Variants in TYW1B observed in about 807,000 individuals in gnomAD.
TYW1B encodes tRNA-yW synthesizing protein 1 homolog B, also known as S-adenosyl-L-methionine-dependent tRNA 4-demethylwyosine synthase TYW1B.
In TYW1B, 73 loss-of-function variants were observed where a neutral mutation model predicts 86.9. That is an observed-to-expected ratio of 0.84 (90% CI 0.70 to 1.02). TYW1B has a LOEUF of 1.02. TYW1B is among the 50% of genes least tolerant of loss of function. TYW1B has a pLI of 0.00. For missense variants in TYW1B, 637 were observed against 827.4 expected, an observed-to-expected ratio of 0.77 and a Z score of 2.82; for synonymous variants, 248 against 292.8, an observed-to-expected ratio of 0.85 and a Z score of 1.56.
chr7:72,720,258 A>G (rs2844080), intron 9 of TYW1B, among the ~76,000 whole-genome samples: 36 of 152,192 alleles, frequency 2.4e-4, no homozygotes, highest in African/African-American at 6.0e-4. Context: ...CAAGCATTGG[A>G]GCTAACAGGA....
chr7:72,699,061 C>A (rs571067932), intron 10 of TYW1B, among the ~76,000 whole-genome samples: 1 of 152,102 alleles, frequency 6.6e-6, no homozygotes, highest in Non-Finnish European at 1.5e-5. Context: ...AGTCCCACCA[C>A]GCAGCGCCAT....
At chr7:72,821,175 T>C (rs1554480413) in intron 2 of TYW1B, among the ~76,000 whole-genome samples, 3 of 152,188 alleles carry the variant, frequency 2.0e-5, no homozygotes, top group African/African-American at 7.2e-5. Flanking sequence ...GGTTTTGCCA[T>C]GTTGGCCAGG....
intron 11 of TYW1B, among the ~76,000 whole-genome samples, chr7:72,666,473 A>G (rs1269860668): frequency 6.6e-6 from 1 of 152,094 alleles, no homozygotes; most frequent in Non-Finnish European, 1.5e-5. Flanking sequence ...GCTAAATACT[A>G]TAAATTTGAA....
chr7:72,699,499 C>T (rs1563063448), intron 10 of TYW1B, among the ~76,000 whole-genome samples: 2 of 152,202 alleles, frequency 1.3e-5, no homozygotes, highest in African/African-American at 4.8e-5. Flanking sequence ...TCCCCTGTGC[C>T]TCCCACTTAT....
At position 72,814,975 on chromosome 7, in the gene TYW1B, C is replaced by T. The variant is rs554452657; in HGVS notation, c.237+405G>A. Among the ~76,000 whole-genome samples, 304 of 146,358 alleles carry T rather than the reference C, an allele frequency of 2.1e-3. 1 individual carries two copies. Among genetic ancestry groups the T allele is most frequent in the African/African-American group, 7.3e-3 (286 of 39,220 alleles). ...ATCCCAGCTACTTGGGAGGCTGAGG[C>T]AGGAGAATCACTTGAACCTGGAGAC... On this transcript the variant is annotated intron_variant, in intron 3 of 13. Transcript: ENST00000620995.
chr7:72,648,304 G>A (rs1419938343), intron 11 of TYW1B, among the ~76,000 whole-genome samples: 3 of 151,896 alleles, frequency 2.0e-5, no homozygotes, highest in Non-Finnish European at 4.4e-5. Context: ...GCACTTTGGG[G>A]GACTAAGGTG....
At chr7:72,766,961 A>G (rs1787781635) in intron 7 of TYW1B, among the ~76,000 whole-genome samples, 1 of 152,092 alleles carries the variant, frequency 6.6e-6, no homozygotes, top group Non-Finnish European at 1.5e-5. Context: ...CTACAGGATA[A>G]ATGATCAGTC....
intron 7 of TYW1B, among the ~76,000 whole-genome samples, chr7:72,764,538 C>T (rs1787740830): frequency 6.6e-6 from 1 of 152,196 alleles, no homozygotes; most frequent in Non-Finnish European, 1.5e-5. Flanking sequence ...ACCTCGGCCT[C>T]CCGAAGTGCT....
intron 10 of TYW1B, among the ~76,000 whole-genome samples, chr7:72,703,821 C>T (rs1272736086): frequency 6.7e-6 from 1 of 150,154 alleles, no homozygotes; most frequent in South Asian, 2.1e-4. Context: ...CACCACTGCA[C>T]TCCAGGCTGG....
At chr7:72,695,949 CTTT>C (rs1159991591) in intron 10 of TYW1B, among the ~76,000 whole-genome samples, 23 of 93,690 alleles carry the variant, frequency 2.5e-4, no homozygotes, top group Middle Eastern at 5.2e-3. Flanking sequence ...TTTTTCTTTT[CTTT>C]TTTTTTTTTT....
chr7:72,659,131 C>T (rs1813272077), intron 11 of TYW1B, among the ~76,000 whole-genome samples: 1 of 152,170 alleles, frequency 6.6e-6, no homozygotes, highest in African/African-American at 2.4e-5. Flanking sequence ...AAGGCTGGGG[C>T]TAAATGTGAC....
chr7:72,748,820 T>C (rs1317100657), intron 7 of TYW1B, among the ~76,000 whole-genome samples: 1 of 152,070 alleles, frequency 6.6e-6, no homozygotes, highest in Non-Finnish European at 1.5e-5. Flanking sequence ...TATACTTGGC[T>C]GAATTCTATT....
chr7:72,827,062 GAAAAT>G, intron 1 of TYW1B, 77 bp from the exon 2 acceptor site: 2 of 1,513,494 alleles, frequency 1.3e-6, no homozygotes, highest in Non-Finnish European at 1.8e-6. Flanking sequence ...ATTTTAAGAA[GAAAAT>G]AAAACCAACC....
At chr7:72,777,609 G>A (rs1554470828) in intron 6 of TYW1B, 76 bp from the exon 7 acceptor site, 1 of 1,549,722 alleles carries the variant, frequency 6.5e-7, no homozygotes. Flanking sequence ...TGAACACCTA[G>A]CATCAATAAA....
chr7:72,706,992 G>C (rs1208035135), intron 10 of TYW1B, among the ~76,000 whole-genome samples: 1 of 152,198 alleles, frequency 6.6e-6, no homozygotes, highest in East Asian at 1.9e-4. Flanking sequence ...ATCATCAACT[G>C]AGTTTCTGAA....
chr7:72,695,178 C>G (rs1369883063), intron 10 of TYW1B, among the ~76,000 whole-genome samples: 1 of 152,194 alleles, frequency 6.6e-6, no homozygotes, highest in Non-Finnish European at 1.5e-5. Context: ...AACTTTCCCA[C>G]CCACACACTC....
At position 72,622,754 on chromosome 7, in the gene TYW1B, GCA is replaced by G. The variant is rs557118326; in HGVS notation, c.1618-5917_1618-5916del. ...ATGCACACATACAACACACACAAGT[GCA>G]CACACCACACACATGCACGCACACA... On this transcript the variant is annotated intron_variant, in intron 12 of 13. Coordinates refer to ENST00000620995, the MANE Select transcript of TYW1B (RefSeq NM_001145440.3). Among the ~76,000 whole-genome samples, 495 of 149,646 alleles carry G rather than the reference GCA, an allele frequency of 3.3e-3. 3 individuals carry two copies. The highest frequency in any genetic ancestry group is 0.011 in the African/African-American group (459 of 40,698).
At chr7:72,821,557 C>T (rs1262623591) in intron 2 of TYW1B, among the ~76,000 whole-genome samples, 3 of 152,188 alleles carry the variant, frequency 2.0e-5, no homozygotes, top group South Asian at 2.1e-4. Flanking sequence ...TTGCAATGTA[C>T]GTGCTATTCC....
chr7:72,739,421 T>C (rs1787260298), intron 8 of TYW1B, among the ~76,000 whole-genome samples: 2 of 151,918 alleles, frequency 1.3e-5, no homozygotes, highest in South Asian at 2.1e-4. Flanking sequence ...CTGGCCAACA[T>C]GGTGAAACCC....
Sources: allele counts gnomAD v4.1 joint callset (sites outside exome capture counted in the v4.1 genomes callset), GRCh38; gene constraint gnomAD v4.1.1; transcripts MANE v1.5; gene names NCBI Gene and HGNC (gene_info 2026-07-23, HGNC 2026-07-21).